The following SDC2 variants were observed in gnomAD, a reference collection of about 807,000 sequenced individuals.
The protein encoded by SDC2 is syndecan 2, also known as syndecan-2.
SDC2 carries 13 observed loss-of-function variants against 22.2 expected under a neutral mutation model. The ratio of observed to expected loss-of-function variants is 0.59; its 90% CI spans 0.38 to 0.93. SDC2 has a LOEUF of 0.93. Ranked by LOEUF, SDC2 falls within the 40% of genes least tolerant of loss-of-function variation. The pLI is 0.00. For synonymous variants in SDC2, 94 were observed against 92.8 expected (o/e 1.01, Z -0.07); for missense variants, 235 against 246.8 (o/e 0.95, Z 0.32).
chr8:96,588,036 C>G (rs1001758629), intron 1 of SDC2, among the ~76,000 whole-genome samples: 1 of 152,146 alleles, frequency 6.6e-6, no homozygotes, highest in Non-Finnish European at 1.5e-5. Context: ...ATGCCTGGCA[C>G]GTAATAAACA....
At chr8:96,501,544 CT>C (rs1176287279) in intron 1 of SDC2, among the ~76,000 whole-genome samples, 1 of 151,850 alleles carries the variant, frequency 6.6e-6, no homozygotes, top group African/African-American at 2.4e-5. Context: ...TTGACCTCAA[CT>C]GATCCGCCTG....
At chr8:96,545,983 GC>G in intron 1 of SDC2, among the ~76,000 whole-genome samples, 1 of 152,340 alleles carries the variant, frequency 6.6e-6, no homozygotes, top group South Asian at 2.1e-4. Context: ...GTGCAGCGAG[GC>G]AACAGCAGTC....
chr8:96,503,754 C>T (rs985197123), intron 1 of SDC2, among the ~76,000 whole-genome samples: 6 of 152,102 alleles, frequency 3.9e-5, no homozygotes, highest in African/African-American at 1.4e-4. Flanking sequence ...AAAAATGGCA[C>T]CAGAGCTAGA....
chr8:96,547,118 C>T (rs1813947426), intron 1 of SDC2, among the ~76,000 whole-genome samples: 1 of 152,206 alleles, frequency 6.6e-6, no homozygotes, highest in African/African-American at 2.4e-5. Flanking sequence ...TATTGATTTG[C>T]AAAACCTTTT....
chr8:96,576,439 A>G (rs1814503911), intron 1 of SDC2, among the ~76,000 whole-genome samples: 1 of 2,812 alleles, frequency 3.6e-4, no homozygotes, highest in Non-Finnish European at 1.3e-3. Flanking sequence ...TTTTTTTTTG[A>G]GACGGAGTCT....
In SDC2 at chr8:96,556,451, G is replaced by A. The variant is rs1370606420; in HGVS notation, c.61-37029G>A. 2.0e-5 allele frequency among the ~76,000 whole-genome samples: 3 copies of A among 152,118 alleles called. No individual in the cohort carries two copies. The East Asian group carries it at 5.8e-4, about 29-fold the overall frequency. On this transcript the variant is annotated intron_variant, in intron 1 of 4. Coordinates refer to ENST00000302190, the MANE Select transcript of SDC2 (RefSeq NM_002998.4). ...ATATAGATCAATGGAACAGAACAGA[G>A]CCCTCAGAAATAACGCCGCATATCT...
At chr8:96,513,576 A>G (rs2130445059) in intron 1 of SDC2, among the ~76,000 whole-genome samples, 1 of 152,354 alleles carries the variant, frequency 6.6e-6, no homozygotes. Flanking sequence ...TTAGCATTCT[A>G]CATGTGCCAG....
intron 1 of SDC2, among the ~76,000 whole-genome samples, chr8:96,519,919 C>T (rs376001135): frequency 4.6e-5 from 7 of 152,156 alleles, no homozygotes; most frequent in African/African-American, 1.4e-4. Context: ...CGAGCCACCA[C>T]GCTCGGCGTT....
chr8:96,507,851 C>G (rs544157181), intron 1 of SDC2, among the ~76,000 whole-genome samples: 4 of 152,194 alleles, frequency 2.6e-5, no homozygotes, highest in Non-Finnish European at 5.9e-5. Flanking sequence ...GTAGGCTCCT[C>G]TTTTCTCCCA....
chr8:96,599,548 G>A (rs555225199), intron 2 of SDC2, among the ~76,000 whole-genome samples: 10 of 150,648 alleles, frequency 6.6e-5, no homozygotes, highest in South Asian at 2.1e-4. Flanking sequence ...CTATATTTAC[G>A]TAACAGTTTA....
intron 1 of SDC2, among the ~76,000 whole-genome samples, chr8:96,576,304 G>A (rs1214451974): frequency 2.1e-5 from 3 of 143,898 alleles, no homozygotes; most frequent in African/African-American, 7.8e-5. Flanking sequence ...TGAATTTGCA[G>A]ATACACAGAG....
intron 1 of SDC2, among the ~76,000 whole-genome samples, chr8:96,524,156 C>T (rs1813540609): frequency 6.6e-6 from 1 of 152,326 alleles, no homozygotes; most frequent in South Asian, 2.1e-4. Context: ...CGAAGTGAAT[C>T]CAGGTGCCTG....
intron 1 of SDC2, among the ~76,000 whole-genome samples, chr8:96,506,431 CTTATA>C (rs1270024481): frequency 2.6e-5 from 4 of 151,832 alleles, no homozygotes; most frequent in Non-Finnish European, 5.9e-5. Context: ...ATAATATATA[CTTATA>C]TATTATACAC....
At chr8:96,589,383 T>C (rs1252492705) in intron 1 of SDC2, among the ~76,000 whole-genome samples, 1 of 42,430 alleles carries the variant, frequency 2.4e-5, no homozygotes, top group Non-Finnish European at 6.0e-5. Flanking sequence ...CTAAGGACTT[T>C]TGTTTTGTTT....
chr8:96,503,334 A>G (rs979595998), intron 1 of SDC2, among the ~76,000 whole-genome samples: 11 of 152,244 alleles, frequency 7.2e-5, no homozygotes, highest in Non-Finnish European at 1.3e-4. Flanking sequence ...ATAAGATTCT[A>G]ATTTAGACAC....
At chr8:96,499,720 C>T (rs186456454) in intron 1 of SDC2, among the ~76,000 whole-genome samples, 15 of 150,932 alleles carry the variant, frequency 9.9e-5, no homozygotes, top group African/African-American at 2.9e-4. Flanking sequence ...GCTTGAGGCA[C>T]GGAAGATAGG....
rs1044355985 is a variant in SDC2, at chr8:96,530,830, T to C, written c.60+36499T>C. On this transcript the variant is annotated intron_variant, in intron 1 of 4. Coordinates refer to ENST00000302190, the MANE Select transcript of SDC2 (RefSeq NM_002998.4). Reference sequence around the variant, plus strand: ...TATAGAACCACATAACAGTTGGCCATGGGCAGTATCTCAGGAAGCCTTAAA... The same window carrying C: ...TATAGAACCACATAACAGTTGGCCACGGGCAGTATCTCAGGAAGCCTTAAA... Among the ~76,000 whole-genome samples the C allele has an allele frequency of 4.6e-5, 7 of 152,346 alleles. No individual in the cohort carries two copies. The East Asian group carries it at 5.8e-4, about 13-fold the overall frequency.
chr8:96,550,632 T>G (rs1814011794), intron 1 of SDC2, among the ~76,000 whole-genome samples: 1 of 152,156 alleles, frequency 6.6e-6, no homozygotes, highest in Non-Finnish European at 1.5e-5. Context: ...CACACAGACC[T>G]CAGGGCCCTG....
At chr8:96,502,931 C>T (rs1563639802) in intron 1 of SDC2, among the ~76,000 whole-genome samples, 1 of 152,160 alleles carries the variant, frequency 6.6e-6, no homozygotes, top group Admixed American at 6.5e-5. Flanking sequence ...TAGTTGGGCT[C>T]ATCTGATAAG....
Sources: gnomAD v4.1 joint callset for allele counts (sites outside exome capture counted in the v4.1 genomes callset) on GRCh38, gnomAD v4.1.1 for gene constraint, MANE v1.5 for transcripts, NCBI Gene and HGNC (gene_info 2026-07-23, HGNC 2026-07-21) for gene names.